Variants in BBX observed in about 807,000 individuals in gnomAD.
The protein encoded by BBX is HMG box transcription factor BBX.
Under a neutral mutation model 100.2 loss-of-function variants are expected in BBX, and 30 were observed. The observed-to-expected ratio is 0.30, with a 90% CI of 0.22 to 0.41. BBX has a LOEUF of 0.41. Among genes scored for constraint, BBX ranks in the 10% least tolerant of loss-of-function variants. The pLI, the probability that BBX is intolerant of heterozygous loss-of-function variation, is 1.00. For synonymous variants in BBX, 376 were observed against 388.1 expected (o/e 0.97, Z 0.37); for missense variants, 1,023 against 1,129.8 (o/e 0.91, Z 1.35).
At chr3:107,579,705 C>T (rs1004086396) in intron 2 of BBX, among the ~76,000 whole-genome samples, 5 of 152,138 alleles carry the variant, frequency 3.3e-5, no homozygotes, top group African/African-American at 4.8e-5. Flanking sequence ...AGAAAGAAGA[C>T]GTTAAAGGAG....
chr3:107,651,754 T>C (rs2057852410), intron 3 of BBX, among the ~76,000 whole-genome samples: 3 of 152,198 alleles, frequency 2.0e-5, no homozygotes, highest in Admixed American at 6.5e-5. Context: ...ATTATTGTCC[T>C]GTCTCCTTAC....
chr3:107,751,513 G>T (rs1429032444), intron 9 of BBX, among the ~76,000 whole-genome samples: 1 of 152,034 alleles, frequency 6.6e-6, no homozygotes, highest in Non-Finnish European at 1.5e-5. Context: ...TCTTTAAGTC[G>T]AAAATGTTTT....
intron 2 of BBX, among the ~76,000 whole-genome samples, chr3:107,559,654 G>GACT (rs2050335499): frequency 6.6e-6 from 1 of 152,206 alleles, no homozygotes; most frequent in South Asian, 2.1e-4. Context: ...CTTCATTGTA[G>GACT]AGGCAGTCAT....
At chr3:107,623,238 T>C (rs921171909) in intron 2 of BBX, among the ~76,000 whole-genome samples, 1 of 152,118 alleles carries the variant, frequency 6.6e-6, no homozygotes, top group Non-Finnish European at 1.5e-5. Flanking sequence ...ATAAAGAGGA[T>C]AAAAACAACA....
chr3:107,644,029 C>G (rs761052600), intron 2 of BBX, among the ~76,000 whole-genome samples: 3 of 152,192 alleles, frequency 2.0e-5, no homozygotes, highest in Non-Finnish European at 4.4e-5. Context: ...TCCTCTCTCA[C>G]CCCTCTGCTA....
chr3:107,688,307 A>G (rs2059963575), intron 3 of BBX, among the ~76,000 whole-genome samples: 1 of 152,202 alleles, frequency 6.6e-6, no homozygotes, highest in Admixed American at 6.5e-5. Flanking sequence ...GTCCTAAATA[A>G]TAGCACAACA....
intron 2 of BBX, among the ~76,000 whole-genome samples, chr3:107,600,272 T>C (rs2053973387): frequency 6.6e-6 from 1 of 152,218 alleles, no homozygotes; most frequent in African/African-American, 2.4e-5. Flanking sequence ...TAAGGAAGCA[T>C]GGAGAACTGT....
chr3:107,754,287 A>T (rs970895904), intron 9 of BBX, among the ~76,000 whole-genome samples: 4 of 152,206 alleles, frequency 2.6e-5, no homozygotes, highest in African/African-American at 9.6e-5. Flanking sequence ...TGATAAGGTG[A>T]GTAATTGAAT....
intron 3 of BBX, among the ~76,000 whole-genome samples, chr3:107,703,061 T>A (rs1395521695): frequency 2.0e-5 from 3 of 152,196 alleles, no homozygotes; most frequent in Non-Finnish European, 4.4e-5. Context: ...GAGACACCCA[T>A]GAGCTAATCT....
At chr3:107,542,794 C>T (rs1034161227) in intron 2 of BBX, among the ~76,000 whole-genome samples, 1 of 152,136 alleles carries the variant, frequency 6.6e-6, no homozygotes, top group Non-Finnish European at 1.5e-5. Context: ...TATTTATAAT[C>T]ACTCACTCCC....
At chr3:107,579,654 A>G (rs962342801) in intron 2 of BBX, among the ~76,000 whole-genome samples, 1 of 152,246 alleles carries the variant, frequency 6.6e-6, no homozygotes, top group Non-Finnish European at 1.5e-5. Context: ...CTCTTTTTAC[A>G]TAGGCACTTA....
At chr3:107,590,052 C>T (rs1004593139) in intron 2 of BBX, among the ~76,000 whole-genome samples, 14 of 151,986 alleles carry the variant, frequency 9.2e-5, no homozygotes, top group Admixed American at 3.9e-4. Flanking sequence ...CATACTTTTA[C>T]AGTTTCAAAT....
chr3:107,608,164 A>G (rs957759348), intron 2 of BBX, among the ~76,000 whole-genome samples: 5 of 151,740 alleles, frequency 3.3e-5, no homozygotes, highest in African/African-American at 1.2e-4. Context: ...AGTTTCTCCA[A>G]TTTTTTTCTT....
chr3:107,651,885 G>A (rs2057860355), intron 3 of BBX, among the ~76,000 whole-genome samples: 1 of 151,738 alleles, frequency 6.6e-6, no homozygotes, highest in Non-Finnish European at 1.5e-5. Flanking sequence ...TTTTGTTTTA[G>A]GCTTTTAGCA....
chr3:107,735,903 G>A (rs778986169), intron 7 of BBX, among the ~76,000 whole-genome samples: 16 of 151,716 alleles, frequency 1.1e-4, no homozygotes, highest in African/African-American at 3.4e-4. Context: ...TAAGCCTAGC[G>A]TGGTTCTATA....
chr3:107,550,347 A>G (rs1484559617), intron 2 of BBX, among the ~76,000 whole-genome samples: 1 of 152,146 alleles, frequency 6.6e-6, no homozygotes, highest in Non-Finnish European at 1.5e-5. Context: ...GGGATCGGTA[A>G]CTTTTGACGC....
chr3:107,787,282 A>G (rs2068529850), intron 13 of BBX, among the ~76,000 whole-genome samples: 2 of 152,192 alleles, frequency 1.3e-5, no homozygotes, highest in South Asian at 4.1e-4. Context: ...GATGTGAGCC[A>G]CTGCACCTGG....
At position 107,687,382 on chromosome 3, in the gene BBX, G is replaced by A. The variant is rs11923598; in HGVS notation, c.-9-23070G>A. ...TAAAGGCTCTGTGAAGGCCCGCATAGCTGATATATTGTGTCTTTATTTTTC... is the reference window on the plus strand; with the variant it reads ...TAAAGGCTCTGTGAAGGCCCGCATAACTGATATATTGTGTCTTTATTTTTC... On this transcript the variant is annotated intron_variant, in intron 3 of 17. Coordinates refer to ENST00000325805, the MANE Select transcript of BBX (RefSeq NM_001142568.3). 2.0e-3 allele frequency among the ~76,000 whole-genome samples: 296 copies of A among 151,416 alleles called. 2 individuals carry two copies. The highest frequency in any genetic ancestry group is 6.8e-3 in the African/African-American group (281 of 41,282).
intron 5 of BBX, among the ~76,000 whole-genome samples, chr3:107,726,722 A>C (rs139650529): frequency 2.0e-5 from 3 of 152,012 alleles, no homozygotes; most frequent in African/African-American, 4.8e-5. Context: ...AGCTTTATGG[A>C]CCATGTGTAA....
Sources: allele counts gnomAD v4.1 joint callset (sites outside exome capture counted in the v4.1 genomes callset), GRCh38; gene constraint gnomAD v4.1.1; transcripts MANE v1.5; gene names NCBI Gene and HGNC (gene_info 2026-07-23, HGNC 2026-07-21).